The following UGT3A1 variants were observed in gnomAD, a reference collection of about 807,000 sequenced individuals.
UGT3A1 encodes the protein UDP glycosyltransferase family 3 member A1.
A neutral mutation model predicts 37.6 loss-of-function variants in UGT3A1; 40 were observed. That is an observed-to-expected ratio of 1.06 (90% CI 0.83 to 1.38). The LOEUF is 1.38. Ranked by LOEUF, UGT3A1 falls within the 40% of genes most tolerant of loss-of-function variation. The probability of loss-of-function intolerance (pLI) is 0.00; values close to 1 mark genes in which losing one functional copy is unlikely to be tolerated. For synonymous variants in UGT3A1, 256 were observed against 232.3 expected, an observed-to-expected ratio of 1.10 and a Z score of -0.93; for missense variants, 642 against 634.2, an observed-to-expected ratio of 1.01 and a Z score of -0.13.
At chr5:35,971,335 T>C (rs147436531) in intron 2 of UGT3A1, among the ~76,000 whole-genome samples, 1 of 152,264 alleles carries the variant, frequency 6.6e-6, no homozygotes, top group Non-Finnish European at 1.5e-5. Context: ...TTCAGTTACA[T>C]TCCTGAGAAG....
upstream of UGT3A1, chr5:35,991,426 T>G: frequency 6.9e-7 from 1 of 1,444,330 alleles, no homozygotes; most frequent in Non-Finnish European, 9.1e-7. Flanking sequence ...CCTCCCTGGG[T>G]GCATGCTCCA....
intron 4 of UGT3A1, 119 bp from the exon 5 acceptor site, chr5:35,957,538 C>T (rs1440763341): frequency 1.3e-6 from 1 of 786,788 alleles, no homozygotes; most frequent in African/African-American, 1.7e-5. Context: ...TCTTCACTCT[C>T]CCGAAGCTAT....
chr5:35,990,581 A>T (rs28434403), intron 1 of UGT3A1, among the ~76,000 whole-genome samples: 1 of 151,914 alleles, frequency 6.6e-6, no homozygotes, highest in African/African-American at 2.4e-5. Context: ...CTCTCCTCAG[A>T]CCTGGGCAGT....
At chr5:35,965,010 G>C (rs1280853928) in intron 4 of UGT3A1, among the ~76,000 whole-genome samples, 1 of 152,210 alleles carries the variant, frequency 6.6e-6, no homozygotes, top group Non-Finnish European at 1.5e-5. Flanking sequence ...CTGTTTCACT[G>C]TGAGTAGCTC....
chr5:35,970,757 C>T (rs745610830), intron 2 of UGT3A1, among the ~76,000 whole-genome samples: 17 of 152,240 alleles, frequency 1.1e-4, no homozygotes, highest in South Asian at 4.2e-4. Context: ...AGGGCCTTTA[C>T]GGATTAAATT....
intron 5 of UGT3A1, among the ~76,000 whole-genome samples, chr5:35,956,114 G>A (rs1189178569): frequency 6.6e-6 from 1 of 152,218 alleles, no homozygotes; most frequent in Non-Finnish European, 1.5e-5. Context: ...CTGGAGAGAA[G>A]AATGATAAGC....
chr5:35,991,515 C>T (rs933548294), upstream of UGT3A1: 3 of 1,240,890 alleles, frequency 2.4e-6, no homozygotes, highest in East Asian at 3.6e-5. Flanking sequence ...TAACCTTTCT[C>T]TGCCTGCGTA....
At chr5:35,960,492 G>A (rs560731436) in intron 4 of UGT3A1, among the ~76,000 whole-genome samples, 2 of 152,306 alleles carry the variant, frequency 1.3e-5, no homozygotes, top group East Asian at 3.9e-4. Flanking sequence ...CTCCGCTGCT[G>A]CTCAAACTCC....
upstream of UGT3A1, among the ~76,000 whole-genome samples, chr5:35,994,735 C>A (rs1336558135): frequency 2.0e-5 from 3 of 152,142 alleles, no homozygotes; most frequent in Non-Finnish European, 2.9e-5. Context: ...GGTCTGCAAG[C>A]AGCACATTTG....
At chr5:35,976,908 G>GGAGA (rs1207986359) in intron 2 of UGT3A1, among the ~76,000 whole-genome samples, 1 of 142,008 alleles carries the variant, frequency 7.0e-6, no homozygotes, top group African/African-American at 2.6e-5. Flanking sequence ...AAGGAAGGAA[G>GGAGA]GAGAGAGAGA....
At chr5:35,964,180 T>G (rs180943513) in intron 4 of UGT3A1, among the ~76,000 whole-genome samples, 1 of 152,292 alleles carries the variant, frequency 6.6e-6, no homozygotes, top group East Asian at 1.9e-4. Flanking sequence ...AACAAGCATC[T>G]GTTATCTCAT....
upstream of UGT3A1, among the ~76,000 whole-genome samples, chr5:35,993,097 T>A (rs1740999295): frequency 1.3e-5 from 2 of 152,176 alleles, no homozygotes; most frequent in South Asian, 4.1e-4. Context: ...ATTTTGTCTA[T>A]GTTATCTTAT....
At chr5:35,980,965 A>G (rs1238814487) in intron 2 of UGT3A1, among the ~76,000 whole-genome samples, 1 of 152,160 alleles carries the variant, frequency 6.6e-6, no homozygotes, top group Non-Finnish European at 1.5e-5. Context: ...TCTCCTACCT[A>G]GTTACTAAAA....
intron 1 of UGT3A1, among the ~76,000 whole-genome samples, chr5:35,999,954 C>T (rs1037212698): frequency 1.3e-5 from 2 of 152,116 alleles, no homozygotes; most frequent in Non-Finnish European, 2.9e-5. Context: ...GTGGGGAGTC[C>T]CCTGTGAACT....
intron 4 of UGT3A1, chr5:35,962,689 T>C (rs1445694341): frequency 1.8e-6 from 1 of 568,720 alleles, no homozygotes; most frequent in Non-Finnish European, 3.1e-6. Context: ...ACAGAAAATG[T>C]CCAGCTGCCA....
At chr5:35,990,211 C>T (rs12656482) in intron 1 of UGT3A1, among the ~76,000 whole-genome samples, 19,548 of 152,036 alleles carry the variant, frequency 0.13, 1,804 homozygotes, top group East Asian at 0.38. Context: ...ATTAAGGAGG[C>T]CACATGTGCT....
At chr5:35,996,831 C>A (rs1261740824) in intron 2 of UGT3A1, among the ~76,000 whole-genome samples, 1 of 152,192 alleles carries the variant, frequency 6.6e-6, no homozygotes, top group African/African-American at 2.4e-5. Flanking sequence ...GAGAAGAAAG[C>A]AGTAAAACTC....
At chr5:35,964,353 A>T (rs912999765) in intron 4 of UGT3A1, among the ~76,000 whole-genome samples, 1 of 152,062 alleles carries the variant, frequency 6.6e-6, no homozygotes, top group Non-Finnish European at 1.5e-5. Flanking sequence ...CACCCAGAGA[A>T]CCCAGTGCTA....
At chr5:35,955,984 A>G (rs756563677) in intron 5 of UGT3A1, 120 bp from the exon 6 acceptor site, 99 of 1,039,786 alleles carry the variant, frequency 9.5e-5, no homozygotes, top group Non-Finnish European at 2.0e-5. Flanking sequence ...AAATGAATTC[A>G]CTGATTTTGC....
Sources: allele counts gnomAD v4.1 joint callset (sites outside exome capture counted in the v4.1 genomes callset), GRCh38; gene constraint gnomAD v4.1.1; transcripts MANE v1.5; gene names NCBI Gene and HGNC (gene_info 2026-07-23, HGNC 2026-07-21).